Variants in PTPDC1 observed in about 807,000 individuals in gnomAD.
PTPDC1 encodes the protein protein tyrosine phosphatase domain containing 1, also known as protein tyrosine phosphatase domain-containing protein 1.
In PTPDC1, 53 loss-of-function variants were observed where a neutral mutation model predicts 75.3. The ratio of observed to expected loss-of-function variants is 0.70; its 90% CI spans 0.56 to 0.88. The LOEUF is 0.88. Ranked by LOEUF, PTPDC1 falls within the 40% of genes least tolerant of loss-of-function variation. The pLI is 0.00. For synonymous variants in PTPDC1, 349 were observed against 366.2 expected, an observed-to-expected ratio of 0.95 and a Z score of 0.54; for missense variants, 925 against 998.6, an observed-to-expected ratio of 0.93 and a Z score of 0.99.
chr9:94,080,552 G>A (rs1480401266), upstream of PTPDC1, among the ~76,000 whole-genome samples: 2 of 152,164 alleles, frequency 1.3e-5, no homozygotes. Context: ...CTAACACACA[G>A]ACATTGGTTT....
intron 5 of PTPDC1, 95 bp downstream of exon 5, chr9:94,095,549 T>A: frequency 9.6e-7 from 1 of 1,040,540 alleles, no homozygotes; most frequent in Non-Finnish European, 1.4e-6. Flanking sequence ...CTCAGAATCC[T>A]ATCAAAGCTT....
intron 2 of PTPDC1, among the ~76,000 whole-genome samples, chr9:94,086,785 G>A (rs1827087090): frequency 6.6e-6 from 1 of 152,150 alleles, no homozygotes; most frequent in Admixed American, 6.5e-5. Flanking sequence ...AGCTGTTAAT[G>A]CCATTTTATC....
At chr9:94,101,810 G>GAA in intron 7 of PTPDC1, 59 bp downstream of exon 7, 18 of 825,204 alleles carry the variant, frequency 2.2e-5, no homozygotes, top group Non-Finnish European at 3.1e-5. Context: ...TTTTCACGCA[G>GAA]AAAAAAAAAA....
chr9:94,055,326 C>T (rs1310844821), intron 1 of PTPDC1, among the ~76,000 whole-genome samples: 1 of 152,174 alleles, frequency 6.6e-6, no homozygotes, highest in Non-Finnish European at 1.5e-5. Flanking sequence ...ACTATATAAT[C>T]AGCAGTTGTG....
chr9:94,095,251 C>T lies in PTPDC1; in HGVS notation c.617-66C>T, dbSNP rs545298660. The stretch of plus-strand genomic sequence containing the variant: ...TCTCAGTGTAGATCTGTGTACTTTT[C>T]ATTAGTGTTTGTACTTTCATTAATT... On this transcript the variant is annotated intron_variant, in intron 4 of 8. Coordinates refer to ENST00000620992, the MANE Select transcript of PTPDC1 (RefSeq NM_001253829.2). 1.4e-4 allele frequency: 184 copies of T among 1,294,904 alleles called. No homozygotes were observed. The African/African-American group carries it at 2.4e-3, about 17-fold the overall frequency. The allele number at this position is 1,294,904 out of a possible 1,614,324, so 80.2% of individuals were successfully genotyped here.
Position 94,098,086 on chromosome 9 carries a change from T to G in PTPDC1, c.1520T>G (p.Leu507Arg), listed in dbSNP as rs1259744875. 1 of 1,614,222 alleles carries G rather than the reference T, an allele frequency of 6.2e-7. No individual in the cohort carries two copies. Among genetic ancestry groups the G allele is most frequent in the Admixed American group, 1.7e-5 (1 of 60,022 alleles). ...LHKEALVRST[L>R]SFWSQSKFGG... ...AAGGAAGCCTTGGTTCGCAGCACACTTTCTTTCTGGAGTCAGTCAAAGTTT... is the reference window on the plus strand; with the variant it reads ...AAGGAAGCCTTGGTTCGCAGCACACGTTCTTTCTGGAGTCAGTCAAAGTTT... Residue 507 changes from leucine (L) to arginine (R), a missense_variant, in exon 6 of 9, where the codon CTT (leucine) becomes CGT (arginine). By Grantham distance (102) the Leu-to-Arg change is moderately radical. Coordinates refer to ENST00000620992, the MANE Select transcript of PTPDC1 (RefSeq NM_001253829.2).
chr9:94,102,283 G>A (rs1297271052), intron 7 of PTPDC1, among the ~76,000 whole-genome samples: 1 of 151,588 alleles, frequency 6.6e-6, no homozygotes, highest in African/African-American at 2.4e-5. Flanking sequence ...AAAGGGGTAG[G>A]TGTCACACAT....
chr9:94,084,907 A>AT, intron 1 of PTPDC1, 133 bp downstream of exon 1: 1 of 646,582 alleles, frequency 1.5e-6, no homozygotes. Context: ...CTGTTATGCT[A>AT]TTTTAGTGAA....
chr9:94,091,479 T>G (rs1015000560), intron 4 of PTPDC1, among the ~76,000 whole-genome samples: 17 of 152,124 alleles, frequency 1.1e-4, no homozygotes, highest in African/African-American at 2.9e-4. Flanking sequence ...GCTGGATTCG[T>G]TTTGCCAGTA....
chr9:94,047,010 G>C (rs1245106923), intron 1 of PTPDC1, among the ~76,000 whole-genome samples: 2 of 152,152 alleles, frequency 1.3e-5, no homozygotes, highest in Non-Finnish European at 2.9e-5. Context: ...ATTATTTTGA[G>C]ATATGTCCTA....
intron 2 of PTPDC1, 127 bp from the exon 3 acceptor site, chr9:94,087,704 A>C: frequency 1.5e-6 from 1 of 678,072 alleles, no homozygotes; most frequent in Non-Finnish European, 2.6e-6. Context: ...ATTTATACAC[A>C]AAAAAGAATA....
intron 7 of PTPDC1, among the ~76,000 whole-genome samples, chr9:94,102,648 C>T (rs901322903): frequency 5.3e-5 from 8 of 152,132 alleles, no homozygotes; most frequent in African/African-American, 1.9e-4. Flanking sequence ...GGCGCGATCT[C>T]AGCTCACTGC....
Position 94,097,774 on chromosome 9 carries a change from C to A in PTPDC1, c.1208C>A (p.Pro403His). The change falls in exon 6 of 9, where the codon CCC (proline) becomes CAC (histidine). Residue 403 changes from proline (P) to histidine (H), a missense_variant. Physicochemically the swap from Pro to His is moderately conservative, Grantham distance 77. Transcript: ENST00000620992. ...HDSDVSNPPN[P>H]TAVAADFDNR... ...AGTGATGTGTCCAACCCGCCTAACC[C>A]CACTGCAGTGGCAGCAGATTTTGAC... 2 of 1,614,070 alleles carry A rather than the reference C, an allele frequency of 1.2e-6. 1 individual carries two copies. The highest frequency in any genetic ancestry group is 4.5e-5 in the East Asian group (2 of 44,878).
At chr9:94,055,869 A>G (rs1042869985) in intron 1 of PTPDC1, among the ~76,000 whole-genome samples, 3 of 152,224 alleles carry the variant, frequency 2.0e-5, no homozygotes, top group African/African-American at 7.2e-5. Flanking sequence ...AGTAAGTATC[A>G]TTATACCTTT....
At chr9:94,042,523 A>T (rs1825454702) in intron 1 of PTPDC1, among the ~76,000 whole-genome samples, 2 of 150,976 alleles carry the variant, frequency 1.3e-5, no homozygotes, top group African/African-American at 4.8e-5. Context: ...TAAAAAAAAT[A>T]ATGTATATAC....
chr9:94,096,182 C>A (rs186905691), intron 5 of PTPDC1, among the ~76,000 whole-genome samples: 1 of 152,190 alleles, frequency 6.6e-6, no homozygotes, highest in Admixed American at 6.5e-5. Flanking sequence ...CTGATCCAAC[C>A]ACATGCAGCT....
upstream of PTPDC1, among the ~76,000 whole-genome samples, chr9:94,083,567 G>T (rs867924968): frequency 1.3e-5 from 2 of 152,240 alleles, no homozygotes; most frequent in African/African-American, 4.8e-5. Flanking sequence ...AAGCGAGGGC[G>T]CAGCCTGACA....
upstream of PTPDC1, among the ~76,000 whole-genome samples, chr9:94,083,943 TAATA>T (rs142848149): frequency 0.025 from 3,876 of 152,352 alleles, 159 homozygotes; most frequent in African/African-American, 0.088. Flanking sequence ...AGTATTTCTT[TAATA>T]GTTTTACCAA....
chr9:94,108,542 A>C lies in PTPDC1; in HGVS notation c.*598A>C, dbSNP rs1315132887. 6.6e-6 allele frequency: 1 copy of C among 152,418 alleles called. No individual in the cohort carries two copies. Among genetic ancestry groups the C allele is most frequent in the Non-Finnish European group, 1.5e-5 (1 of 68,018 alleles). 9.4% of individuals were successfully genotyped at this position (152,418 alleles called of 1,614,324 possible). On this transcript the variant is annotated 3_prime_UTR_variant, in exon 9 of 9. Coordinates refer to ENST00000620992, the MANE Select transcript of PTPDC1 (RefSeq NM_001253829.2). The stretch of plus-strand genomic sequence containing the variant: ...TTTCAAAGCATATTATTTTTCAGAG[A>C]GATTTAGTTTTACTTTAATGGAGTG...
Sources: allele counts gnomAD v4.1 joint callset (sites outside exome capture counted in the v4.1 genomes callset), GRCh38; gene constraint gnomAD v4.1.1; transcripts MANE v1.5; gene names NCBI Gene and HGNC (gene_info 2026-07-23, HGNC 2026-07-21).